Variants in SNTG2 observed in about 807,000 individuals in gnomAD.
SNTG2 encodes the protein syntrophin gamma 2, also known as gamma-2-syntrophin.
In SNTG2, 74 loss-of-function variants were observed where a neutral mutation model predicts 70.9. The ratio of observed to expected loss-of-function variants is 1.04; its 90% CI spans 0.86 to 1.27. The LOEUF (loss-of-function observed/expected upper bound fraction) is 1.27, where lower values mean the gene tolerates loss of function less well. Ranked by LOEUF, SNTG2 falls within the 50% of genes most tolerant of loss-of-function variation. The probability of loss-of-function intolerance (pLI) is 0.00; values close to 1 mark genes in which losing one functional copy is unlikely to be tolerated. For missense variants in SNTG2, 717 were observed against 690.7 expected, an observed-to-expected ratio of 1.04 and a Z score of -0.43; for synonymous variants, 278 against 273.8, an observed-to-expected ratio of 1.02 and a Z score of -0.15.
At chr2:986,937 A>C (rs921413867) in intron 1 of SNTG2, among the ~76,000 whole-genome samples, 1 of 152,224 alleles carries the variant, frequency 6.6e-6, no homozygotes, top group African/African-American at 2.4e-5. Flanking sequence ...ACTTGCAGCT[A>C]TTTTATATTT....
intron 1 of SNTG2, among the ~76,000 whole-genome samples, chr2:1,021,356 A>G (rs1036615688): frequency 2.0e-5 from 3 of 152,170 alleles, no homozygotes; most frequent in Non-Finnish European, 4.4e-5. Flanking sequence ...ATAATAAAAA[A>G]TATCTCAAGC....
intron 1 of SNTG2, among the ~76,000 whole-genome samples, chr2:968,544 T>G (rs1660640491): frequency 6.6e-6 from 1 of 152,164 alleles, no homozygotes; most frequent in Non-Finnish European, 1.5e-5. Context: ...TTTTTCCTGA[T>G]TCTTAAGGTG....
intron 1 of SNTG2, among the ~76,000 whole-genome samples, chr2:1,058,929 A>G (rs1021599384): frequency 1.3e-5 from 2 of 152,174 alleles, no homozygotes; most frequent in Admixed American, 6.5e-5. Flanking sequence ...CTGCTGCACA[A>G]CTGTCTCCCC....
intron 1 of SNTG2, among the ~76,000 whole-genome samples, chr2:1,036,823 G>C (rs866746198): frequency 2.6e-5 from 4 of 152,176 alleles, no homozygotes; most frequent in Non-Finnish European, 5.9e-5. Flanking sequence ...ACCTTGCCCA[G>C]CGTTTGTCTT....
At chr2:1,337,060 T>C (rs1659852741) in intron 16 of SNTG2, among the ~76,000 whole-genome samples, 1 of 152,132 alleles carries the variant, frequency 6.6e-6, no homozygotes, top group African/African-American at 2.4e-5. Context: ...TTTCTTTTCT[T>C]TTTTAGGTTG....
At chr2:1,285,004 C>G (rs902477224) in intron 14 of SNTG2, among the ~76,000 whole-genome samples, 1 of 151,454 alleles carries the variant, frequency 6.6e-6, no homozygotes, top group Non-Finnish European at 1.5e-5. Flanking sequence ...AGTTTATTAA[C>G]TCACACGATC....
chr2:1,196,014 C>CT (rs376754650), intron 8 of SNTG2, among the ~76,000 whole-genome samples: 48 of 151,944 alleles, frequency 3.2e-4, no homozygotes, highest in African/African-American at 1.1e-3. Context: ...AGTTTGGAAT[C>CT]TTTTTTTTGT....
intron 9 of SNTG2, among the ~76,000 whole-genome samples, chr2:1,231,737 A>G (rs1367770627): frequency 6.6e-6 from 1 of 152,184 alleles, no homozygotes; most frequent in Non-Finnish European, 1.5e-5. Flanking sequence ...AGCAGGCAGC[A>G]GGCAGAGGGG....
At chr2:1,117,400 T>C (rs984616965) in intron 4 of SNTG2, among the ~76,000 whole-genome samples, 2 of 152,192 alleles carry the variant, frequency 1.3e-5, no homozygotes, top group Non-Finnish European at 2.9e-5. Flanking sequence ...CAACTTTTAC[T>C]ATTATCTTTC....
intron 15 of SNTG2, among the ~76,000 whole-genome samples, chr2:1,311,365 A>G (rs1161175083): frequency 6.6e-6 from 1 of 152,216 alleles, no homozygotes; most frequent in African/African-American, 2.4e-5. Flanking sequence ...CAACAACTGA[A>G]CCTGAAAATA....
At chr2:1,224,856 TAACTC>T (rs1675663995) in intron 9 of SNTG2, among the ~76,000 whole-genome samples, 1 of 152,232 alleles carries the variant, frequency 6.6e-6, no homozygotes, top group Non-Finnish European at 1.5e-5. Flanking sequence ...GAAGCCGTGA[TAACTC>T]AGGTCACAAG....
At chr2:1,249,518 T>C (rs1419580609) in intron 12 of SNTG2, among the ~76,000 whole-genome samples, 4 of 152,244 alleles carry the variant, frequency 2.6e-5, no homozygotes, top group Non-Finnish European at 4.4e-5. Flanking sequence ...GAGTATACTC[T>C]CTCTGGTCTT....
intron 8 of SNTG2, among the ~76,000 whole-genome samples, chr2:1,175,786 G>A (rs1324070307): frequency 6.6e-6 from 1 of 152,184 alleles, no homozygotes. Flanking sequence ...GTAGCTTGTT[G>A]AGTGGACTCT....
At chr2:1,178,144 C>A (rs972058554) in intron 8 of SNTG2, among the ~76,000 whole-genome samples, 11 of 152,112 alleles carry the variant, frequency 7.2e-5, no homozygotes, top group African/African-American at 2.7e-4. Context: ...ATGTAAAAGC[C>A]AATTTGCTGT....
intron 6 of SNTG2, among the ~76,000 whole-genome samples, chr2:1,148,938 G>C (rs190081685): frequency 6.6e-6 from 1 of 152,084 alleles, no homozygotes; most frequent in Non-Finnish European, 1.5e-5. Flanking sequence ...CAGGAGTCTC[G>C]AGGTTTCACA....
chr2:1,280,826 A>G (rs1215789236), intron 14 of SNTG2, among the ~76,000 whole-genome samples: 1 of 152,230 alleles, frequency 6.6e-6, no homozygotes, highest in Non-Finnish European at 1.5e-5. Context: ...TTTGCTTTTA[A>G]TAAGTGTATT....
At chr2:1,096,102 G>A (rs753612593) in intron 2 of SNTG2, among the ~76,000 whole-genome samples, 2 of 152,066 alleles carry the variant, frequency 1.3e-5, no homozygotes, top group Non-Finnish European at 2.9e-5. Context: ...GGAGGAAAAC[G>A]GTATGCCTCC....
chr2:1,101,618 G>A (rs755062639), intron 4 of SNTG2, among the ~76,000 whole-genome samples: 60 of 27,430 alleles, frequency 2.2e-3, no homozygotes, highest in African/African-American at 0.019. Context: ...GTGCAGGAGG[G>A]CTGTGGGACT....
At chr2:1,265,958 C>T (rs1377936422) in intron 13 of SNTG2, among the ~76,000 whole-genome samples, 1 of 152,022 alleles carries the variant, frequency 6.6e-6, no homozygotes, top group African/African-American at 2.4e-5. Context: ...GGTGCAGCGT[C>T]CCAGGAAGGT....
Sources: allele counts gnomAD v4.1 joint callset (sites outside exome capture counted in the v4.1 genomes callset), GRCh38; gene constraint gnomAD v4.1.1; transcripts MANE v1.5; gene names NCBI Gene and HGNC (gene_info 2026-07-23, HGNC 2026-07-21).